The following ASH1L variants were observed in gnomAD, a reference collection of about 807,000 sequenced individuals.
ASH1L encodes histone-lysine N-methyltransferase ASH1L.
Under a neutral mutation model 269.0 loss-of-function variants are expected in ASH1L, and 23 were observed. That is an observed-to-expected ratio of 0.09 (90% CI 0.06 to 0.12). ASH1L has a LOEUF of 0.12. ASH1L is among the 10% of genes least tolerant of loss of function. The probability of loss-of-function intolerance (pLI) is 1.00; values close to 1 mark genes in which losing one functional copy is unlikely to be tolerated. For missense variants in ASH1L, 2,912 were observed against 3,567.8 expected, an observed-to-expected ratio of 0.82 and a Z score of 4.68; for synonymous variants, 1,187 against 1,253.5, an observed-to-expected ratio of 0.95 and a Z score of 1.12.
chr1:155,387,653 G>GT (rs1442071856), intron 7 of ASH1L, among the ~76,000 whole-genome samples: 2 of 152,172 alleles, frequency 1.3e-5, no homozygotes, highest in South Asian at 4.1e-4. Flanking sequence ...TGTTAAAATA[G>GT]TTTTTTTCTA....
At chr1:155,474,428 TG>T (rs1216365011) in intron 3 of ASH1L, among the ~76,000 whole-genome samples, 1 of 152,172 alleles carries the variant, frequency 6.6e-6, no homozygotes, top group Admixed American at 6.5e-5. Flanking sequence ...CTCAGAGTGG[TG>T]ACTCAGGCCT....
chr1:155,533,446 G>A (rs1237433023), intron 1 of ASH1L, among the ~76,000 whole-genome samples: 1 of 151,922 alleles, frequency 6.6e-6, no homozygotes, highest in African/African-American at 2.4e-5. Context: ...GGGCGTGGTG[G>A]CTCACACCTG....
intron 3 of ASH1L, among the ~76,000 whole-genome samples, chr1:155,469,203 A>T (rs1664910783): frequency 6.7e-6 from 1 of 149,764 alleles, no homozygotes; most frequent in Non-Finnish European, 1.5e-5. Flanking sequence ...TTTTTTTTTG[A>T]GACGGAGTTT....
intron 2 of ASH1L, among the ~76,000 whole-genome samples, chr1:155,488,117 C>T (rs1379858260): frequency 6.7e-6 from 1 of 150,208 alleles, no homozygotes; most frequent in Non-Finnish European, 1.5e-5. Flanking sequence ...GAACTCCTGA[C>T]CTCGTGATCC....
At chr1:155,411,268 G>C (rs1033228537) in intron 6 of ASH1L, among the ~76,000 whole-genome samples, 1 of 151,980 alleles carries the variant, frequency 6.6e-6, no homozygotes, top group Non-Finnish European at 1.5e-5. Context: ...ATGCATACAT[G>C]TACTAAACTG....
rs1343422601 is a variant in ASH1L at position 155,438,218 on chromosome 1, T to C, written c.5828+109A>G. The C allele has an allele frequency of 6.9e-6, 8 of 1,159,998 alleles. No homozygotes were observed. The Admixed American group carries it at 1.1e-4, about 15-fold the overall frequency. 71.9% of individuals were successfully genotyped at this position (1,159,998 alleles called of 1,614,324 possible). Reference sequence around the variant, plus strand: ...GTTTTTGAAAAGAAATGGTCTCATATAGTAAAAAATGAAAGGTTATAAGAT... The same window carrying C: ...GTTTTTGAAAAGAAATGGTCTCATACAGTAAAAAATGAAAGGTTATAAGAT... On this transcript the variant is annotated intron_variant, in intron 5 of 27. Coordinates refer to ENST00000392403, the MANE Select transcript of ASH1L (RefSeq NM_018489.3).
intron 12 of ASH1L, among the ~76,000 whole-genome samples, chr1:155,366,601 T>G (rs1040027624): frequency 6.6e-6 from 1 of 152,212 alleles, no homozygotes; most frequent in African/African-American, 2.4e-5. Context: ...AGTATAGAGG[T>G]CCTACAAACT....
At chr1:155,487,113 T>C (rs987941865) in intron 2 of ASH1L, among the ~76,000 whole-genome samples, 1 of 152,112 alleles carries the variant, frequency 6.6e-6, no homozygotes, top group Non-Finnish European at 1.5e-5. Context: ...TGCAGTGAGC[T>C]GAGATCATGC....
intron 2 of ASH1L, among the ~76,000 whole-genome samples, chr1:155,485,586 T>C (rs1159259464): frequency 6.6e-6 from 1 of 152,184 alleles, no homozygotes; most frequent in Non-Finnish European, 1.5e-5. Flanking sequence ...ATAGATAAAA[T>C]AGGTAACCAT....
intron 12 of ASH1L, among the ~76,000 whole-genome samples, chr1:155,360,611 T>G (rs1473145040): frequency 6.6e-6 from 1 of 150,998 alleles, no homozygotes; most frequent in African/African-American, 2.4e-5. Flanking sequence ...GCCTGGCTAA[T>G]TTTTGTATTT....
In ASH1L at chr1:155,478,107, A is replaced by T; in HGVS notation, c.4763T>A (p.Leu1588His). The T allele has an allele frequency of 1.2e-6, 2 of 1,614,122 alleles. No individual in the cohort carries two copies. Among genetic ancestry groups the T allele is most frequent in the South Asian group, 1.1e-5 (1 of 91,082 alleles). Residue 1588 changes from leucine to histidine, a missense_variant, in exon 3 of 28, where the codon CTT becomes CAT. Physicochemically the swap from Leu to His is moderately conservative, Grantham distance 99 (BLOSUM62 -3). This residue lies in a region of ASH1L where 789 missense variants were observed against 897.6 expected (regional missense o/e 0.88). Transcript: ENST00000392403. The surrounding 1 kb of genome is among the most constrained non-coding windows in gnomAD (Gnocchi z 4.6). ...CTCAGAGTTGGGAGTGAATCCTCCA[A>T]GGGATAAGCTTGGAGAACTTTCTGA... The part of the protein sequence containing the change: ...DCSESSPSLS[L>H]GGFTPNSEPA...
chr1:155,418,883 C>G (rs1660434696), intron 5 of ASH1L, among the ~76,000 whole-genome samples: 1 of 151,130 alleles, frequency 6.6e-6, no homozygotes, highest in African/African-American at 2.4e-5. Context: ...TCCTGGCTAA[C>G]ACGGCGAAAC....
intron 1 of ASH1L, among the ~76,000 whole-genome samples, chr1:155,522,213 A>G (rs1375430417): frequency 2.0e-5 from 3 of 152,236 alleles, no homozygotes; most frequent in Non-Finnish European, 2.9e-5. Flanking sequence ...TTTTGAGGTT[A>G]GGACTCTCTG....
intron 2 of ASH1L, among the ~76,000 whole-genome samples, chr1:155,510,486 T>C (rs985424778): frequency 1.3e-5 from 2 of 151,708 alleles, no homozygotes; most frequent in African/African-American, 4.8e-5. Flanking sequence ...ATAGTCTTGT[T>C]ATGGAAAAAT....
At chr1:155,408,758 G>T (rs763199935) in intron 6 of ASH1L, among the ~76,000 whole-genome samples, 8 of 151,976 alleles carry the variant, frequency 5.3e-5, no homozygotes, top group Non-Finnish European at 1.2e-4. Context: ...GATAGCTTAT[G>T]CCTCCTAGCA....
chr1:155,382,093 G>T (rs1206600900), intron 7 of ASH1L, among the ~76,000 whole-genome samples: 13 of 151,950 alleles, frequency 8.6e-5, no homozygotes, highest in Admixed American at 8.5e-4. Context: ...TGTAGTCCCA[G>T]CTACTCAGGA....
At chr1:155,427,600 G>A (rs1487492763) in intron 5 of ASH1L, among the ~76,000 whole-genome samples, 5 of 151,884 alleles carry the variant, frequency 3.3e-5, no homozygotes, top group East Asian at 3.9e-4. Context: ...GACTGCGCCC[G>A]GCTAATTTTT....
intron 6 of ASH1L, among the ~76,000 whole-genome samples, 171 bp downstream of exon 6, chr1:155,415,573 T>C (rs1458605637): frequency 6.6e-6 from 1 of 152,096 alleles, no homozygotes; most frequent in Non-Finnish European, 1.5e-5. Flanking sequence ...GAAAGGGTAA[T>C]GTATTGACCT....
intron 2 of ASH1L, among the ~76,000 whole-genome samples, chr1:155,499,656 T>C (rs895999430): frequency 1.3e-5 from 2 of 152,340 alleles, no homozygotes; most frequent in African/African-American, 2.4e-5. Context: ...TAATTAGTAA[T>C]GTGTAATTAT....
Sources: allele counts gnomAD v4.1 joint callset (sites outside exome capture counted in the v4.1 genomes callset), GRCh38; gene constraint gnomAD v4.1.1; regional missense constraint gnomAD v4.1.1; non-coding constraint Gnocchi (gnomAD v3.1); transcripts MANE v1.5; gene names NCBI Gene and HGNC (gene_info 2026-07-23, HGNC 2026-07-21).